The following MTOR variants were observed in gnomAD, a reference collection of about 807,000 sequenced individuals.
The protein encoded by MTOR is serine/threonine-protein kinase mTOR.
In MTOR, 70 loss-of-function variants were observed where a neutral mutation model predicts 319.8. That is an observed-to-expected ratio of 0.22 (90% confidence interval 0.18 to 0.27). The LOEUF is 0.27. Among genes scored for constraint, MTOR ranks in the 10% least tolerant of loss-of-function variants. The pLI is 1.00. For missense variants in MTOR, 1,890 were observed against 3,274.4 expected, an observed-to-expected ratio of 0.58 and a Z score of 10.32; for synonymous variants, 1,183 against 1,211.4, an observed-to-expected ratio of 0.98 and a Z score of 0.49.
At chr1:11,139,276 T>G in intron 36 of MTOR, 28 bp downstream of exon 36, 1 of 1,567,774 alleles carries the variant, frequency 6.4e-7, no homozygotes, top group Non-Finnish European at 8.6e-7. Context: ...GAGAAGGTGG[T>G]CTGTTCTGGA....
rs150643912 is a variant in MTOR, at chr1:11,113,938, C to T, written c.7300+380G>A. On this transcript the variant is annotated intron_variant, in intron 53 of 57. Coordinates refer to ENST00000361445, the MANE Select transcript of MTOR (RefSeq NM_004958.4). ...GATAGTGACTGAGTTCTCATGAGAT[C>T]TGGTGGTTTTATAAGGGGCTTTTCT... Among the ~76,000 whole-genome samples the T allele has an allele frequency of 3.2e-3, 484 of 152,214 alleles. 9 individuals are homozygous for T. The highest frequency in any genetic ancestry group is 0.011 in the African/African-American group (454 of 41,522).
At chr1:11,118,223 AGTT>A (rs1323938130) in intron 49 of MTOR, among the ~76,000 whole-genome samples, 2 of 145,096 alleles carry the variant, frequency 1.4e-5, no homozygotes, top group Admixed American at 6.9e-5. Context: ...TTCCAAACTT[AGTT>A]AATTTTTTTT....
At chr1:11,254,483 A>G (rs931393702) in intron 5 of MTOR, among the ~76,000 whole-genome samples, 2 of 152,156 alleles carry the variant, frequency 1.3e-5, no homozygotes, top group African/African-American at 4.8e-5. Context: ...AGATACCATC[A>G]TCATCCCTAT....
chr1:11,128,085 C>G lies in MTOR; in HGVS notation c.5952G>C (p.Thr1984=), dbSNP rs192740864. Reference sequence around the variant, plus strand: ...TGTTGGCTGCATTGTGCCGGGCTGTCGTGGTAGACTTAGAAGCCACTGTCA... The same window carrying G: ...TGTTGGCTGCATTGTGCCGGGCTGTGGTGGTAGACTTAGAAGCCACTGTCA... The part of the protein sequence containing the change: ...YPLTVASKST[T]TARHNAANKI... Residue 1984 remains threonine (T), a synonymous_variant, in exon 43 of 58, where the codon ACG becomes ACC. Coordinates refer to ENST00000361445, the MANE Select transcript of MTOR (RefSeq NM_004958.4). The surrounding 1 kb of genome is among the most constrained non-coding windows in gnomAD (Gnocchi z 5.3). 1.9e-6 allele frequency: 3 copies of G among 1,613,934 alleles called. No homozygotes were observed. In the South Asian group the frequency reaches 3.3e-5, roughly 18 times the overall value.
At chr1:11,172,918 C>T (rs1175366486) in intron 28 of MTOR, among the ~76,000 whole-genome samples, 11 of 150,732 alleles carry the variant, frequency 7.3e-5, no homozygotes, top group East Asian at 1.9e-4. Context: ...TGAACACTCT[C>T]GCTCTGAGAA....
At chr1:11,154,279 TTTGTTG>T (rs140562940) in intron 30 of MTOR, among the ~76,000 whole-genome samples, 1 of 150,950 alleles carries the variant, frequency 6.6e-6, no homozygotes, top group African/African-American at 2.4e-5. Context: ...ACATGGAATT[TTTGTTG>T]TTGTTGTTGT....
At chr1:11,163,516 T>C (rs1197160579) in intron 29 of MTOR, among the ~76,000 whole-genome samples, 1 of 152,086 alleles carries the variant, frequency 6.6e-6, no homozygotes, top group Non-Finnish European at 1.5e-5. Flanking sequence ...ATTCCAAAAT[T>C]GACCACATAG....
chr1:11,159,408 G>A (rs112664875), intron 29 of MTOR, among the ~76,000 whole-genome samples: 2,800 of 152,256 alleles, frequency 0.018, 90 homozygotes, highest in African/African-American at 0.064. Flanking sequence ...TTGGGAGGCC[G>A]AGGTGGGAGG....
intron 26 of MTOR, among the ~76,000 whole-genome samples, chr1:11,201,722 T>C (rs1321435782): frequency 6.6e-6 from 1 of 152,194 alleles, no homozygotes; most frequent in Non-Finnish European, 1.5e-5. Context: ...CCTATTCACA[T>C]TTATTTTAAT....
At chr1:11,202,023 C>A (rs1645986294) in intron 26 of MTOR, among the ~76,000 whole-genome samples, 1 of 152,138 alleles carries the variant, frequency 6.6e-6, no homozygotes, top group African/African-American at 2.4e-5. Context: ...CCAGGCTGGT[C>A]TTGAACTCTT....
rs535967502 is a variant in MTOR at position 11,138,644 on chromosome 1, A to G, written c.5130+660T>C. Among the ~76,000 whole-genome samples, 8 of 152,284 alleles carry G rather than the reference A, an allele frequency of 5.3e-5. No homozygotes were observed. In the East Asian group the frequency reaches 1.5e-3, roughly 29 times the overall value. ...TCACAATGGGGAGAGAAGGCTAGTG[A>G]GACTCCCTCTTCCTTTTAAGAAGGA... On this transcript the variant is annotated intron_variant, in intron 36 of 57. Transcript: ENST00000361445.
intron 28 of MTOR, among the ~76,000 whole-genome samples, chr1:11,175,674 T>C (rs924781147): frequency 2.0e-5 from 3 of 151,572 alleles, no homozygotes; most frequent in Non-Finnish European, 2.9e-5. Flanking sequence ...GGAGTGACGG[T>C]AGAGCAGCTC....
At chr1:11,184,552 G>A (rs901532281) in intron 28 of MTOR, among the ~76,000 whole-genome samples, 4 of 152,038 alleles carry the variant, frequency 2.6e-5, no homozygotes, top group Non-Finnish European at 5.9e-5. Context: ...TCAACATAGT[G>A]AGACTCCGTC....
At chr1:11,233,066 C>A (rs1040843128) in intron 15 of MTOR, 13 of 1,056,692 alleles carry the variant, frequency 1.2e-5, no homozygotes, top group Admixed American at 1.0e-4. Flanking sequence ...GTAATAAAAC[C>A]AGGTACAACT....
intron 25 of MTOR, among the ~76,000 whole-genome samples, chr1:11,208,719 T>C (rs1325378473): frequency 6.6e-6 from 1 of 152,254 alleles, no homozygotes; most frequent in Non-Finnish European, 1.5e-5. Context: ...GGATAGCTGA[T>C]GGCATACATG....
rs750858794 is a variant in MTOR at position 11,212,758 on chromosome 1, A to G, written c.3398+38T>C. The G allele has an allele frequency of 8.6e-6, 13 of 1,512,680 alleles. No individual in the cohort carries two copies. Among genetic ancestry groups the G allele is most frequent in the Non-Finnish European group, 1.2e-5 (13 of 1,090,128 alleles). The allele number at this position is 1,512,680 out of a possible 1,614,324, so 93.7% of individuals were successfully genotyped here. On this transcript the variant is annotated intron_variant, in intron 22 of 57. Coordinates refer to ENST00000361445, the MANE Select transcript of MTOR (RefSeq NM_004958.4). This position sits in a 1 kb window ranked among gnomAD's most constrained non-coding sequence, Gnocchi z 4.1. ...ATGAACATTTTCAACAAAACATTAA[A>G]GCTTAAAGATTGCTAGTCCCAAAGA...
At chr1:11,138,833 T>C (rs540484758) in intron 36 of MTOR, 3 of 153,914 alleles carry the variant, frequency 1.9e-5, no homozygotes, top group African/African-American at 4.8e-5. Flanking sequence ...GAATTCTACA[T>C]TGGCTTCAAG....
At chr1:11,144,413 T>G in intron 34 of MTOR, 1 of 464,186 alleles carries the variant, frequency 2.2e-6, no homozygotes, top group Non-Finnish European at 3.9e-6. Flanking sequence ...AAAACATTTT[T>G]TTTAATTCCT....
chr1:11,145,977 C>T (rs1203460932), intron 32 of MTOR, among the ~76,000 whole-genome samples: 2 of 152,190 alleles, frequency 1.3e-5, no homozygotes, highest in Non-Finnish European at 2.9e-5. Context: ...TGAACGGGAA[C>T]TCTTGTGTCT....
Sources: allele counts gnomAD v4.1 joint callset (sites outside exome capture counted in the v4.1 genomes callset), GRCh38; gene constraint gnomAD v4.1.1; non-coding constraint Gnocchi (gnomAD v3.1); transcripts MANE v1.5; gene names NCBI Gene and HGNC (gene_info 2026-07-23, HGNC 2026-07-21).